Variants in RBM6 observed in about 807,000 individuals in gnomAD.
RBM6 encodes the protein RNA-binding protein 6.
Under a neutral mutation model 140.4 loss-of-function variants are expected in RBM6, and 23 were observed. The ratio of observed to expected loss-of-function variants is 0.16; its 90% CI spans 0.12 to 0.23. The LOEUF (loss-of-function observed/expected upper bound fraction) is 0.23, where lower values mean the gene tolerates loss of function less well. Ranked by LOEUF, RBM6 falls within the 10% of genes least tolerant of loss-of-function variation. The probability of loss-of-function intolerance (pLI) is 1.00; values close to 1 mark genes in which losing one functional copy is unlikely to be tolerated. For missense variants in RBM6, 1,139 were observed against 1,386.7 expected (o/e 0.82, Z 2.84); for synonymous variants, 439 against 475.6 (o/e 0.92, Z 1.00).
chr3:50,006,115 C>T (rs1451855681), intron 6 of RBM6, among the ~76,000 whole-genome samples: 1 of 147,088 alleles, frequency 6.8e-6, no homozygotes, highest in Non-Finnish European at 1.5e-5. Flanking sequence ...GGCTGTAGCG[C>T]AGGGGTGCGA....
chr3:49,947,081 C>CAAAA (rs1186088231), intron 1 of RBM6, among the ~76,000 whole-genome samples: 2 of 106,036 alleles, frequency 1.9e-5, no homozygotes, highest in African/African-American at 3.3e-5. Flanking sequence ...ACTAAAAATA[C>CAAAA]AAAAAAAAAA....
intron 6 of RBM6, among the ~76,000 whole-genome samples, chr3:50,026,408 T>C (rs2087825814): frequency 7.6e-6 from 1 of 132,362 alleles, no homozygotes; most frequent in Non-Finnish European, 1.6e-5. Flanking sequence ...GGAGACAGAA[T>C]TTCGCCCAGT....
chr3:50,040,944 C>T (rs1009442590), intron 6 of RBM6, among the ~76,000 whole-genome samples: 2 of 152,064 alleles, frequency 1.3e-5, no homozygotes, highest in Non-Finnish European at 2.9e-5. Flanking sequence ...TGTGCCCAGC[C>T]GCAGAGTTCA....
chr3:50,017,179 T>C (rs1323428911), intron 6 of RBM6, among the ~76,000 whole-genome samples: 1 of 152,200 alleles, frequency 6.6e-6, no homozygotes, highest in Non-Finnish European at 1.5e-5. Context: ...GAACATTTTG[T>C]CATATATTTT....
chr3:50,007,116 C>T (rs1451137669), intron 6 of RBM6, among the ~76,000 whole-genome samples: 1 of 150,848 alleles, frequency 6.6e-6, no homozygotes, highest in Non-Finnish European at 1.5e-5. Context: ...TTTTTCCCAT[C>T]AACAATACTT....
intron 1 of RBM6, chr3:49,940,864 G>A (rs1004597720): frequency 6.7e-6 from 1 of 149,584 alleles, no homozygotes; most frequent in African/African-American, 2.5e-5. Flanking sequence ...TTGACGTTAG[G>A]CGAATGGGTT....
chr3:50,037,802 C>T (rs1480629136), intron 6 of RBM6, among the ~76,000 whole-genome samples: 1 of 148,074 alleles, frequency 6.8e-6, no homozygotes, highest in Non-Finnish European at 1.5e-5. Context: ...CCATGCGTGG[C>T]AAATTTCTTT....
At chr3:50,074,714 T>G (rs550467354) in intron 19 of RBM6, among the ~76,000 whole-genome samples, 1 of 152,346 alleles carries the variant, frequency 6.6e-6, no homozygotes, top group South Asian at 2.1e-4. Context: ...GGGCCATATC[T>G]TAGTAGTCTG....
intron 7 of RBM6, among the ~76,000 whole-genome samples, chr3:50,048,721 A>G (rs561113521): frequency 1.8e-4 from 28 of 152,170 alleles, no homozygotes; most frequent in Non-Finnish European, 2.6e-4. Context: ...TGGGTTTCCA[A>G]GGGTATAGAA....
chr3:49,985,661 C>T (rs1404391732), intron 5 of RBM6, among the ~76,000 whole-genome samples: 1 of 152,142 alleles, frequency 6.6e-6, no homozygotes, highest in Non-Finnish European at 1.5e-5. Context: ...GGCTGGAGTG[C>T]AGTGGCGTGA....
chr3:49,964,779 G>A (rs951910576), intron 2 of RBM6, among the ~76,000 whole-genome samples: 3 of 152,164 alleles, frequency 2.0e-5, no homozygotes, highest in African/African-American at 7.2e-5. Context: ...CGTGGTTTAG[G>A]TAAGCATTCA....
intron 5 of RBM6, among the ~76,000 whole-genome samples, chr3:49,994,700 C>T (rs34312088): frequency 0.4 from 53,926 of 135,484 alleles, 10,228 homozygotes; most frequent in Non-Finnish European, 0.46. Flanking sequence ...GTGTGTTTTC[C>T]TCTCAAAGAT....
At chr3:50,001,900 G>C (rs1203629945) in intron 6 of RBM6, among the ~76,000 whole-genome samples, 2 of 152,202 alleles carry the variant, frequency 1.3e-5, no homozygotes, top group African/African-American at 4.8e-5. Flanking sequence ...AATGCATCAT[G>C]GTGGCAATTT....
chr3:49,992,462 A>G (rs1021782158), intron 5 of RBM6, among the ~76,000 whole-genome samples: 4 of 152,234 alleles, frequency 2.6e-5, no homozygotes, highest in African/African-American at 9.6e-5. Flanking sequence ...GACATATTTG[A>G]GAAGCAGTAA....
intron 6 of RBM6, among the ~76,000 whole-genome samples, chr3:50,029,247 G>C (rs1055001570): frequency 2.5e-4 from 38 of 152,284 alleles, no homozygotes; most frequent in African/African-American, 7.9e-4. Context: ...CAGAGAAAAG[G>C]GTCCCTTAGG....
chr3:49,994,206 G>C (rs750088566), intron 5 of RBM6, among the ~76,000 whole-genome samples: 1 of 152,072 alleles, frequency 6.6e-6, no homozygotes, highest in Non-Finnish European at 1.5e-5. Context: ...TGGGACTATA[G>C]GTGCGTGCTC....
chr3:49,994,852 A>G (rs1243240115), intron 5 of RBM6, among the ~76,000 whole-genome samples: 1 of 152,144 alleles, frequency 6.6e-6, no homozygotes, highest in Admixed American at 6.6e-5. Context: ...AATGTCAACC[A>G]ATACTCTCTT....
chr3:49,949,020 G>T (rs1240923175), intron 1 of RBM6, among the ~76,000 whole-genome samples: 3 of 149,708 alleles, frequency 2.0e-5, no homozygotes, highest in Non-Finnish European at 4.5e-5. Context: ...TAGTAGAGAT[G>T]GAGTTTCACT....
chr3:50,039,458 C>T (rs961947689), intron 6 of RBM6, among the ~76,000 whole-genome samples: 6 of 139,434 alleles, frequency 4.3e-5, no homozygotes, highest in African/African-American at 5.3e-5. Flanking sequence ...AGGCTGGTCT[C>T]GAACTCCTGA....
Sources: gnomAD v4.1 joint callset for allele counts (sites outside exome capture counted in the v4.1 genomes callset) on GRCh38, gnomAD v4.1.1 for gene constraint, MANE v1.5 for transcripts, NCBI Gene and HGNC (gene_info 2026-07-23, HGNC 2026-07-21) for gene names.